TEAD1: variants seen among roughly 807,000 people sequenced by gnomAD.
TEAD1 encodes TEA domain transcription factor 1, also known as transcriptional enhancer factor TEF-1.
In TEAD1, 9 loss-of-function variants were observed where a neutral mutation model predicts 54.9. The observed-to-expected ratio is 0.16, with a 90% CI of 0.10 to 0.29. The LOEUF (loss-of-function observed/expected upper bound fraction) is 0.29, where lower values mean the gene tolerates loss of function less well. Ranked by LOEUF, TEAD1 falls within the 10% of genes least tolerant of loss-of-function variation. TEAD1 has a pLI of 1.00. For missense variants in TEAD1, 387 were observed against 535.9 expected (o/e 0.72, Z 2.74); for synonymous variants, 200 against 187.8 (o/e 1.07, Z -0.53).
intron 9 of TEAD1, among the ~76,000 whole-genome samples, chr11:12,900,648 T>G (rs1948410751): frequency 6.6e-6 from 1 of 152,184 alleles, no homozygotes; most frequent in Non-Finnish European, 1.5e-5. Context: ...CAATCTTTTT[T>G]TTTTTAAAGC....
At chr11:12,814,642 G>A (rs368896041) in intron 3 of TEAD1, among the ~76,000 whole-genome samples, 1 of 152,160 alleles carries the variant, frequency 6.6e-6, no homozygotes. Flanking sequence ...GAGTCTTTGC[G>A]CATGTCATCT....
chr11:12,728,712 A>C (rs1944361239), intron 2 of TEAD1, among the ~76,000 whole-genome samples: 1 of 152,222 alleles, frequency 6.6e-6, no homozygotes, highest in Non-Finnish European at 1.5e-5. Context: ...CCTGTGGTTG[A>C]TAAAATAAAT....
chr11:12,698,490 A>G (rs1943633234), intron 2 of TEAD1, among the ~76,000 whole-genome samples: 1 of 151,844 alleles, frequency 6.6e-6, no homozygotes, highest in Non-Finnish European at 1.5e-5. Flanking sequence ...AGACCAGTGA[A>G]TATTTTTGTC....
At chr11:12,837,805 CTT>C (rs575848575) in intron 3 of TEAD1, among the ~76,000 whole-genome samples, 14 of 75,818 alleles carry the variant, frequency 1.8e-4, no homozygotes, top group Non-Finnish European at 1.8e-4. Context: ...CTTCCTTCTT[CTT>C]TTTTTTTTTT....
At chr11:12,817,919 G>A (rs1366295044) in intron 3 of TEAD1, among the ~76,000 whole-genome samples, 1 of 152,216 alleles carries the variant, frequency 6.6e-6, no homozygotes, top group African/African-American at 2.4e-5. Context: ...TACTGGAGAG[G>A]TTTCTTACCC....
chr11:12,692,492 C>T (rs1404694189), intron 2 of TEAD1, among the ~76,000 whole-genome samples: 1 of 152,042 alleles, frequency 6.6e-6, no homozygotes, highest in Non-Finnish European at 1.5e-5. Context: ...ATTTAATGCC[C>T]CTCACCCACC....
At chr11:12,929,754 T>C (rs1159277427) in intron 11 of TEAD1, among the ~76,000 whole-genome samples, 1 of 152,182 alleles carries the variant, frequency 6.6e-6, no homozygotes, top group East Asian at 1.9e-4. Context: ...CAGTTTTTTC[T>C]AAAGTAGAGA....
At chr11:12,730,602 A>T (rs1224272087) in intron 2 of TEAD1, among the ~76,000 whole-genome samples, 3 of 149,010 alleles carry the variant, frequency 2.0e-5, no homozygotes, top group Non-Finnish European at 3.0e-5. Context: ...GAGTATATAG[A>T]TTAGAGGGAA....
chr11:12,769,721 C>A (rs1214566724), intron 3 of TEAD1, among the ~76,000 whole-genome samples: 1 of 152,086 alleles, frequency 6.6e-6, no homozygotes, highest in Admixed American at 6.5e-5. Flanking sequence ...CTCTTTCGGA[C>A]CTCTGATTCA....
chr11:12,902,342 C>T (rs1564984174), intron 10 of TEAD1, among the ~76,000 whole-genome samples: 4 of 152,230 alleles, frequency 2.6e-5, no homozygotes, highest in Admixed American at 2.0e-4. Context: ...CCAAAGGGCA[C>T]AAGGGACAAG....
intron 2 of TEAD1, among the ~76,000 whole-genome samples, chr11:12,684,545 G>A (rs1201399272): frequency 6.6e-6 from 1 of 152,148 alleles, no homozygotes; most frequent in Non-Finnish European, 1.5e-5. Context: ...GAGAAGAAAG[G>A]TACTTTTGCT....
intron 2 of TEAD1, among the ~76,000 whole-genome samples, chr11:12,762,071 C>G (rs939332056): frequency 1.3e-5 from 2 of 152,152 alleles, no homozygotes; most frequent in Non-Finnish European, 2.9e-5. Flanking sequence ...ATCCCATTCC[C>G]TGCTATCCTG....
At chr11:12,920,504 T>G (rs1318154146) in intron 10 of TEAD1, among the ~76,000 whole-genome samples, 1 of 152,178 alleles carries the variant, frequency 6.6e-6, no homozygotes, top group Non-Finnish European at 1.5e-5. Context: ...ATCACTAGAC[T>G]GCTTTCCCCC....
intron 2 of TEAD1, among the ~76,000 whole-genome samples, chr11:12,694,144 A>T (rs566511571): frequency 6.6e-6 from 1 of 152,230 alleles, no homozygotes; most frequent in Non-Finnish European, 1.5e-5. Flanking sequence ...AACACATGGC[A>T]AATGTTTCAA....
chr11:12,821,533 A>G (rs1946545131), intron 3 of TEAD1, among the ~76,000 whole-genome samples: 1 of 152,216 alleles, frequency 6.6e-6, no homozygotes, highest in Admixed American at 6.5e-5. Context: ...TATCTATTAA[A>G]TGGGAGTACA....
At chr11:12,915,576 G>A (rs1322039372) in intron 10 of TEAD1, among the ~76,000 whole-genome samples, 1 of 152,210 alleles carries the variant, frequency 6.6e-6, no homozygotes, top group Non-Finnish European at 1.5e-5. Flanking sequence ...GGCTGGGCAT[G>A]GTGGCCCACG....
At chr11:12,831,149 A>T (rs796516424) in intron 3 of TEAD1, among the ~76,000 whole-genome samples, 7 of 151,086 alleles carry the variant, frequency 4.6e-5, no homozygotes, top group African/African-American at 1.7e-4. Flanking sequence ...CCATTTCACC[A>T]CTCCATGGTT....
intron 2 of TEAD1, among the ~76,000 whole-genome samples, chr11:12,743,864 A>G (rs1047215220): frequency 6.6e-6 from 1 of 152,214 alleles, no homozygotes; most frequent in Non-Finnish European, 1.5e-5. Flanking sequence ...ATCCTTGTTG[A>G]ATAGTGAGGA....
intron 3 of TEAD1, among the ~76,000 whole-genome samples, chr11:12,834,523 A>G (rs1183529994): frequency 6.6e-6 from 1 of 152,222 alleles, no homozygotes; most frequent in Non-Finnish European, 1.5e-5. Context: ...ATGATAGTGG[A>G]GAGAGATGTA....
Sources: gnomAD v4.1 joint callset for allele counts (sites outside exome capture counted in the v4.1 genomes callset) on GRCh38, gnomAD v4.1.1 for gene constraint, MANE v1.5 for transcripts, NCBI Gene and HGNC (gene_info 2026-07-23, HGNC 2026-07-21) for gene names.